IL3RA: variants seen among roughly 807,000 people sequenced by gnomAD.
IL3RA encodes the protein interleukin-3 receptor subunit alpha.
A neutral mutation model predicts 52.3 loss-of-function variants in IL3RA; 73 were observed. The ratio of observed to expected loss-of-function variants is 1.40; its 90% CI spans 1.16 to 1.70. The LOEUF is 1.70. IL3RA is among the 40% of genes most tolerant of loss of function. The pLI, the probability that IL3RA is intolerant of heterozygous loss-of-function variation, is 0.00. For missense variants in IL3RA, 664 were observed against 504.4 expected (o/e 1.32, Z -3.03); for synonymous variants, 260 against 194.0 (o/e 1.34, Z -2.83).
At chrX:1,360,092 T>C (rs1794628805) in intron 8 of IL3RA, among the ~76,000 whole-genome samples, 1 of 150,318 alleles carries the variant, frequency 6.7e-6, no homozygotes, top group Admixed American at 6.7e-5. Flanking sequence ...TTTCTCTCTC[T>C]CTCCCGGTCT....
chrX:1,354,288 T>C (rs1456513791), intron 6 of IL3RA, among the ~76,000 whole-genome samples: 2 of 152,040 alleles, frequency 1.3e-5, no homozygotes, highest in African/African-American at 4.8e-5. Flanking sequence ...TGGAGGAATT[T>C]GGGACAGAAG....
At chrX:1,368,725 C>G (rs1177707850) in intron 9 of IL3RA, among the ~76,000 whole-genome samples, 38 of 150,520 alleles carry the variant, frequency 2.5e-4, no homozygotes, top group South Asian at 4.3e-4. Flanking sequence ...GAGAAGACGG[C>G]GTCTCCAAGC....
chrX:1,363,534 C>T (rs778514728), intron 8 of IL3RA, among the ~76,000 whole-genome samples: 3 of 151,314 alleles, frequency 2.0e-5, no homozygotes, highest in South Asian at 2.1e-4. Context: ...GTGATCTGCC[C>T]GCCTTGGCCC....
chrX:1,344,305 G>A (rs186744227), intron 2 of IL3RA, among the ~76,000 whole-genome samples: 2 of 151,518 alleles, frequency 1.3e-5, no homozygotes, highest in African/African-American at 4.8e-5. Context: ...GTGGTGGCAG[G>A]CACCTGTTAT....
intron 10 of IL3RA, 65 bp from the exon 11 acceptor site, chrX:1,380,958 T>A: frequency 3.0e-6 from 4 of 1,340,436 alleles, no homozygotes; most frequent in Non-Finnish European, 4.3e-6. Flanking sequence ...CTGGACACGC[T>A]GTGTCCCAGA....
chrX:1,361,485 C>G lies in IL3RA; in HGVS notation c.759+2598C>G, dbSNP rs779638985. On this transcript the variant is annotated intron_variant, in intron 8 of 11. Coordinates refer to ENST00000331035, the MANE Select transcript of IL3RA (RefSeq NM_002183.4). Reference sequence around the variant, plus strand: ...ATGAGACAGTCGCCGGGCGCAGTGACTCATGCCTGTAATCACAGCACCTTG... The same window carrying G: ...ATGAGACAGTCGCCGGGCGCAGTGAGTCATGCCTGTAATCACAGCACCTTG... 2.1e-3 allele frequency among the ~76,000 whole-genome samples: 318 copies of G among 152,270 alleles called. 1 individual carries two copies. The highest frequency in any genetic ancestry group is 6.9e-3 in the African/African-American group (288 of 41,560).
chrX:1,356,064 G>C (rs1413747302), intron 6 of IL3RA, among the ~76,000 whole-genome samples, 157 bp from the exon 7 acceptor site: 2 of 151,992 alleles, frequency 1.3e-5, no homozygotes, highest in African/African-American at 4.8e-5. Flanking sequence ...TGCCTGTAGA[G>C]TTTCTTTGTT....
chrX:1,376,655 T>G, intron 9 of IL3RA, among the ~76,000 whole-genome samples: 1 of 148,430 alleles, frequency 6.7e-6, no homozygotes, highest in African/African-American at 2.5e-5. Flanking sequence ...GAAGACGGCG[T>G]CTCCAAGCCC....
At chrX:1,355,933 T>G (rs1269783509) in intron 6 of IL3RA, among the ~76,000 whole-genome samples, 1 of 151,972 alleles carries the variant, frequency 6.6e-6, no homozygotes, top group East Asian at 1.9e-4. Flanking sequence ...GCTGAACGCC[T>G]GGTACTTCAG....
At chrX:1,368,323 G>C (rs2088335224) in intron 9 of IL3RA, among the ~76,000 whole-genome samples, 1 of 152,096 alleles carries the variant, frequency 6.6e-6, no homozygotes, top group Non-Finnish European at 1.5e-5. Context: ...GGTGACTCAT[G>C]CCTGCCATCC....
intron 8 of IL3RA, among the ~76,000 whole-genome samples, chrX:1,361,701 T>C (rs1432247299): frequency 2.8e-5 from 4 of 144,060 alleles, no homozygotes; most frequent in East Asian, 2.0e-4. Context: ...TGCAGTGAGT[T>C]GAGATCGCGC....
chrX:1,379,456 C>A (rs2089023115), intron 10 of IL3RA, among the ~76,000 whole-genome samples: 1 of 151,808 alleles, frequency 6.6e-6, no homozygotes, highest in Non-Finnish European at 1.5e-5. Flanking sequence ...GCACCTGGCC[C>A]CTTGAGAATT....
chrX:1,343,047 C>A (rs2085557366), intron 2 of IL3RA, among the ~76,000 whole-genome samples: 2 of 151,676 alleles, frequency 1.3e-5, no homozygotes, highest in African/African-American at 4.8e-5. Flanking sequence ...TGCACTCCAG[C>A]CTGGGCGACA....
chrX:1,379,214 G>A (rs1399031500), intron 10 of IL3RA, among the ~76,000 whole-genome samples: 7 of 151,702 alleles, frequency 4.6e-5, no homozygotes, highest in Non-Finnish European at 1.5e-5. Flanking sequence ...GGAGTGCAGT[G>A]GCTCGATCTC....
At chrX:1,359,042 A>T (rs2086958826) in intron 8 of IL3RA, among the ~76,000 whole-genome samples, 155 bp downstream of exon 8, 1 of 152,080 alleles carries the variant, frequency 6.6e-6, no homozygotes, top group African/African-American at 2.4e-5. Context: ...ATGTTCAGTG[A>T]CTTTCATTGG....
intron 1 of IL3RA, among the ~76,000 whole-genome samples, chrX:1,341,275 GGAC>G (rs1439637283): frequency 4.0e-5 from 6 of 149,630 alleles, no homozygotes; most frequent in African/African-American, 1.5e-4. Context: ...ACTCCAGCCT[GGAC>G]GACAAGGGCG....
intron 10 of IL3RA, among the ~76,000 whole-genome samples, chrX:1,380,641 G>A (rs1335535283): frequency 3.3e-4 from 24 of 73,828 alleles, no homozygotes; most frequent in African/African-American, 1.2e-3. Context: ...GAGGGAGAGG[G>A]GGAGGGGGAG....
At chrX:1,346,978 A>G (rs1161474997) in intron 3 of IL3RA, among the ~76,000 whole-genome samples, 2 of 151,364 alleles carry the variant, frequency 1.3e-5, no homozygotes, top group African/African-American at 4.9e-5. Context: ...AAAACAGTCT[A>G]GAATCCCAGA....
rs2085509235 is a variant in IL3RA at position 1,341,849 on chromosome X, T to C, written c.64+20T>C. ...AGGAAGGTAAGAACTGGAGAAAAAA[T>C]GCACGTGCCACCTGGGGAGCGGTGG... On this transcript the variant is annotated intron_variant, in intron 2 of 11. Transcript: ENST00000331035. 1.2e-6 allele frequency: 2 copies of C among 1,613,270 alleles called. No individual in the cohort carries two copies. Among genetic ancestry groups the C allele is most frequent in the East Asian group, 4.5e-5 (2 of 44,870 alleles).
Sources: gnomAD v4.1 joint callset for allele counts (sites outside exome capture counted in the v4.1 genomes callset) on GRCh38, gnomAD v4.1.1 for gene constraint, MANE v1.5 for transcripts, NCBI Gene and HGNC (gene_info 2026-07-23, HGNC 2026-07-21) for gene names.